Variants in POU2F1 observed in about 807,000 individuals in gnomAD.
POU2F1 encodes the protein POU domain, class 2, transcription factor 1.
POU2F1 carries 16 observed loss-of-function variants against 84.9 expected under a neutral mutation model. The observed-to-expected ratio is 0.19, with a 90% CI of 0.13 to 0.29. The LOEUF (loss-of-function observed/expected upper bound fraction) is 0.29, where lower values mean the gene tolerates loss of function less well. Ranked by LOEUF, POU2F1 falls within the 10% of genes least tolerant of loss-of-function variation. The pLI, the probability that POU2F1 is intolerant of heterozygous loss-of-function variation, is 1.00. For missense variants in POU2F1, 738 were observed against 942.6 expected (o/e 0.78, Z 2.84); for synonymous variants, 368 against 368.3 (o/e 1.00, Z 0.01).
At chr1:167,374,060 G>A in intron 5 of POU2F1, 48 bp from the exon 6 acceptor site, 16 of 1,592,430 alleles carry the variant, frequency 1.0e-5, no homozygotes, top group Non-Finnish European at 1.4e-5. Flanking sequence ...TGCATTAGGA[G>A]ACTTTCTCCT....
chr1:167,338,943 G>C (rs1448155939), intron 2 of POU2F1, among the ~76,000 whole-genome samples: 1 of 152,142 alleles, frequency 6.6e-6, no homozygotes, highest in African/African-American at 2.4e-5. Context: ...GAGTAGAATT[G>C]CTGGGTAAAA....
chr1:167,336,560 A>T (rs1027120807), intron 2 of POU2F1, among the ~76,000 whole-genome samples: 2 of 152,184 alleles, frequency 1.3e-5, no homozygotes, highest in Non-Finnish European at 2.9e-5. Context: ...GAATTGCTTG[A>T]TGTATACTAT....
intron 1 of POU2F1, among the ~76,000 whole-genome samples, chr1:167,287,303 A>G (rs1373551943): frequency 1.3e-5 from 2 of 152,252 alleles, no homozygotes; most frequent in Non-Finnish European, 2.9e-5. Context: ...ATAAGAAACT[A>G]AAATGATCCT....
intron 2 of POU2F1, among the ~76,000 whole-genome samples, chr1:167,351,517 CT>C (rs1461007594): frequency 2.6e-5 from 1 of 38,290 alleles, no homozygotes; most frequent in Non-Finnish European, 4.7e-5. Flanking sequence ...GAAGCACCAT[CT>C]CAAAAAAAAA....
intron 1 of POU2F1, among the ~76,000 whole-genome samples, chr1:167,245,669 T>C (rs1421539525): frequency 6.6e-6 from 1 of 151,824 alleles, no homozygotes; most frequent in African/African-American, 2.4e-5. Context: ...CACCTCAGCC[T>C]CCCAAAGTGC....
intron 9 of POU2F1, among the ~76,000 whole-genome samples, chr1:167,394,452 C>G (rs1648659958): frequency 6.6e-6 from 1 of 152,142 alleles, no homozygotes; most frequent in African/African-American, 2.4e-5. Context: ...GATTCTGATT[C>G]TTGCAGTTTT....
intron 1 of POU2F1, among the ~76,000 whole-genome samples, chr1:167,255,659 G>A (rs953895234): frequency 1.3e-5 from 2 of 152,120 alleles, no homozygotes; most frequent in South Asian, 4.1e-4. Context: ...CCATACAAGA[G>A]CAATTCAGAG....
chr1:167,258,451 A>T (rs977110162), intron 1 of POU2F1, among the ~76,000 whole-genome samples: 4 of 152,244 alleles, frequency 2.6e-5, no homozygotes, highest in African/African-American at 9.6e-5. Flanking sequence ...CAAAAAAATT[A>T]TAATTGCATT....
intron 1 of POU2F1, among the ~76,000 whole-genome samples, chr1:167,299,178 A>G (rs1170920354): frequency 6.6e-6 from 1 of 151,794 alleles, no homozygotes; most frequent in Non-Finnish European, 1.5e-5. Flanking sequence ...AAAAAAAAAA[A>G]AAAAAAGAAT....
At chr1:167,383,076 A>G (rs1647685119) in intron 7 of POU2F1, among the ~76,000 whole-genome samples, 1 of 152,198 alleles carries the variant, frequency 6.6e-6, no homozygotes, top group African/African-American at 2.4e-5. Flanking sequence ...GCTTTGTCGA[A>G]TACTTTCTAC....
intron 2 of POU2F1, among the ~76,000 whole-genome samples, chr1:167,358,969 T>C (rs1186092495): frequency 6.6e-6 from 1 of 152,096 alleles, no homozygotes; most frequent in Non-Finnish European, 1.5e-5. Flanking sequence ...GACAAGATTC[T>C]TTTGAAAGAA....
intron 1 of POU2F1, among the ~76,000 whole-genome samples, chr1:167,311,771 C>CTTTTATTT (rs34368270): frequency 2.1e-5 from 3 of 144,636 alleles, no homozygotes; most frequent in Non-Finnish European, 4.5e-5. Context: ...TACAAAAAAT[C>CTTTTATTT]ATTTATTTAT....
At chr1:167,297,713 C>G (rs1399112973) in intron 1 of POU2F1, among the ~76,000 whole-genome samples, 2 of 152,208 alleles carry the variant, frequency 1.3e-5, no homozygotes, top group African/African-American at 4.8e-5. Context: ...GCATGTACTA[C>G]TACTATGTAA....
intron 6 of POU2F1, among the ~76,000 whole-genome samples, chr1:167,375,507 G>C (rs915986814): frequency 6.6e-6 from 1 of 152,050 alleles, no homozygotes; most frequent in Non-Finnish European, 1.5e-5. Context: ...GCTATTTTTG[G>C]TTTTAAAAAA....
chr1:167,289,636 CAT>C (rs1006812352), intron 1 of POU2F1, among the ~76,000 whole-genome samples: 23 of 152,182 alleles, frequency 1.5e-4, no homozygotes, highest in Admixed American at 5.9e-4. Context: ...ATGTGACTAA[CAT>C]ATTTTGTGGA....
intron 1 of POU2F1, among the ~76,000 whole-genome samples, chr1:167,304,401 A>G (rs1044006735): frequency 6.6e-6 from 1 of 152,344 alleles, no homozygotes; most frequent in Middle Eastern, 3.4e-3. Context: ...ATAGCTCAAT[A>G]TGCTAGAACT....
chr1:167,400,511 T>C (rs1649135472), intron 12 of POU2F1, among the ~76,000 whole-genome samples: 1 of 152,198 alleles, frequency 6.6e-6, no homozygotes, highest in South Asian at 2.1e-4. Flanking sequence ...TGACAATAAG[T>C]TACCAGATAA....
rs143278732 is a variant in POU2F1 at position 167,424,762 on chromosome 1, C to T, written c.*8952C>T. 1 of 152,362 alleles carries T rather than the reference C, an allele frequency of 6.6e-6. No homozygotes were observed. Among genetic ancestry groups the T allele is most frequent in the Non-Finnish European group, 1.5e-5 (1 of 68,056 alleles). The allele number at this position is 152,362 out of a possible 1,614,324, so 9.4% of individuals were successfully genotyped here. ...CAAGGGGTCTTCACAGGTCTCTTAA[C>T]ATCTGCTTTCCCTGCCACCCTGCCT... On this transcript the variant is annotated 3_prime_UTR_variant, in exon 16 of 16. Transcript: ENST00000367866.
At chr1:167,259,163 G>C (rs113827606) in intron 1 of POU2F1, among the ~76,000 whole-genome samples, 3 of 152,210 alleles carry the variant, frequency 2.0e-5, no homozygotes, top group African/African-American at 7.2e-5. Flanking sequence ...TCCCGAAGGA[G>C]GCTGGCCTTA....
Sources: allele counts gnomAD v4.1 joint callset (sites outside exome capture counted in the v4.1 genomes callset), GRCh38; gene constraint gnomAD v4.1.1; transcripts MANE v1.5; gene names NCBI Gene and HGNC (gene_info 2026-07-23, HGNC 2026-07-21).